Variants in TMEM132D observed in about 807,000 individuals in gnomAD.
TMEM132D encodes transmembrane protein 132D.
In TMEM132D, 21 loss-of-function variants were observed where a neutral mutation model predicts 62.3. The ratio of observed to expected loss-of-function variants is 0.34; its 90% confidence interval spans 0.24 to 0.49. The LOEUF is 0.49. Ranked by LOEUF, TMEM132D falls within the 20% of genes least tolerant of loss-of-function variation. The pLI is 0.99. For synonymous variants in TMEM132D, 621 were observed against 575.6 expected, an observed-to-expected ratio of 1.08 and a Z score of -1.13; for missense variants, 1,346 against 1,402.8, an observed-to-expected ratio of 0.96 and a Z score of 0.65.
intron 3 of TMEM132D, among the ~76,000 whole-genome samples, chr12:129,350,090 C>T (rs1009208468): frequency 5.9e-5 from 9 of 152,196 alleles, no homozygotes; most frequent in Non-Finnish European, 1.2e-4. Context: ...AAATCTGCAC[C>T]TCAGCCCTTT....
intron 5 of TMEM132D, among the ~76,000 whole-genome samples, chr12:129,127,885 C>T (rs1268740854): frequency 6.6e-6 from 1 of 152,216 alleles, no homozygotes; most frequent in African/African-American, 2.4e-5. Flanking sequence ...GCAGACGAGG[C>T]CGGCACTCAC....
At chr12:129,075,940 A>G (rs1233033848) in intron 8 of TMEM132D, among the ~76,000 whole-genome samples, 1 of 150,294 alleles carries the variant, frequency 6.7e-6, no homozygotes, top group South Asian at 2.1e-4. Context: ...CCTCCCTCTC[A>G]GAGAACCTGC....
chr12:129,513,392 A>T (rs1015092940), intron 3 of TMEM132D, among the ~76,000 whole-genome samples: 4 of 152,070 alleles, frequency 2.6e-5, no homozygotes, highest in African/African-American at 9.7e-5. Context: ...GCTAGACTCC[A>T]TCTCCCAACA....
intron 2 of TMEM132D, among the ~76,000 whole-genome samples, chr12:129,605,559 C>A (rs191444858): frequency 7.6e-6 from 1 of 131,838 alleles, no homozygotes; most frequent in East Asian, 2.1e-4. Context: ...CCACAAGCAG[C>A]CTTTAAATTA....
chr12:129,893,372 C>A (rs1186309867), intron 1 of TMEM132D, among the ~76,000 whole-genome samples: 1 of 152,236 alleles, frequency 6.6e-6, no homozygotes, highest in Non-Finnish European at 1.5e-5. Flanking sequence ...ATTATGATTT[C>A]TTTTGAGTAA....
rs143863197 is a variant in TMEM132D at position 129,467,572 on chromosome 12, T to G, written c.1115+63487A>C. Among the ~76,000 whole-genome samples, 43 of 152,174 alleles carry G rather than the reference T, an allele frequency of 2.8e-4. No homozygotes were observed. The East Asian group carries it at 8.3e-3, about 29-fold the overall frequency. Reference sequence around the variant, plus strand: ...TACTGTGGTGGAACCCAGAGGAGATTAAAAGGGAGGAGGCTCCTCTGCACC... The same window carrying G: ...TACTGTGGTGGAACCCAGAGGAGATGAAAAGGGAGGAGGCTCCTCTGCACC... On this transcript the variant is annotated intron_variant, in intron 3 of 8. Transcript: ENST00000422113.
rs370936781 is a variant in TMEM132D at position 129,112,624 on chromosome 12, T to C, written c.1444-27922A>G. 2.8e-3 allele frequency among the ~76,000 whole-genome samples: 426 copies of C among 152,308 alleles called. 1 individual carries two copies. Among genetic ancestry groups the C allele is most frequent in the African/African-American group, 9.6e-3 (401 of 41,566 alleles). On this transcript the variant is annotated intron_variant, in intron 5 of 8. Transcript: ENST00000422113. ...GTTGCGGTGAGCCAAGATCATGCCG[T>C]TGCACTCCAGCCTGGCCAACAAAAG...
chr12:129,365,334 T>C (rs1870370627), intron 3 of TMEM132D, among the ~76,000 whole-genome samples: 1 of 152,162 alleles, frequency 6.6e-6, no homozygotes, highest in African/African-American at 2.4e-5. Flanking sequence ...ATGCAGTTCA[T>C]TCTGTTTTCA....
intron 1 of TMEM132D, among the ~76,000 whole-genome samples, chr12:129,760,536 A>T (rs539555316): frequency 2.7e-5 from 4 of 149,584 alleles, no homozygotes; most frequent in Non-Finnish European, 4.5e-5. Flanking sequence ...TTTTTAGCAG[A>T]GATGGGGTAT....
chr12:129,706,709 AGG>A (rs1420818640), intron 1 of TMEM132D, among the ~76,000 whole-genome samples: 1 of 152,004 alleles, frequency 6.6e-6, no homozygotes, highest in East Asian at 1.9e-4. Context: ...TAAGGCTACA[AGG>A]AGACAATAAT....
chr12:129,073,980 G>T lies in TMEM132D; in HGVS notation c.3195C>A (p.Ile1065=), dbSNP rs776600445. The T allele has an allele frequency of 8.7e-6, 14 of 1,613,844 alleles. No individual in the cohort carries two copies. The highest frequency in any genetic ancestry group is 1.2e-5 in the Non-Finnish European group (14 of 1,179,854). ...TAATGTCATCCTCGCTACTCATCAC[G>T]ATGGAGTTCCTGGTGGGGTACTCGT... is the stretch of plus-strand genomic sequence containing the variant. ...SDDEYPTRNS[I]VMSSEDDIKW... The change falls in exon 9 of 9, where the codon ATC becomes ATA. Residue 1065 remains isoleucine, a synonymous_variant. Coordinates refer to ENST00000422113, the MANE Select transcript of TMEM132D (RefSeq NM_133448.3).
At chr12:129,785,844 GGTCA>G (rs1196952563) in intron 1 of TMEM132D, among the ~76,000 whole-genome samples, 3 of 152,140 alleles carry the variant, frequency 2.0e-5, no homozygotes, top group African/African-American at 4.8e-5. Context: ...TCTTTCTTGT[GGTCA>G]GTATTTAAGC....
chr12:129,536,248 C>A (rs1361820051), intron 2 of TMEM132D, among the ~76,000 whole-genome samples: 2 of 152,204 alleles, frequency 1.3e-5, no homozygotes, highest in African/African-American at 4.8e-5. Context: ...TGTGCACCCA[C>A]CAAAGGGTGC....
At position 129,769,303 on chromosome 12, in the gene TMEM132D, A is replaced by G. The variant is rs948067860; in HGVS notation, c.80-68605T>C. 7.2e-5 allele frequency among the ~76,000 whole-genome samples: 11 copies of G among 152,208 alleles called. No individual in the cohort carries two copies. The South Asian group carries it at 2.3e-3, about 32-fold the overall frequency. Reference sequence around the variant, plus strand: ...AGGCCTCACAATCATGGCAGAAGGCAAAAGTCATGTCTTACATGGCAGCAG... The same window carrying G: ...AGGCCTCACAATCATGGCAGAAGGCGAAAGTCATGTCTTACATGGCAGCAG... On this transcript the variant is annotated intron_variant, in intron 1 of 8. Coordinates refer to ENST00000422113, the MANE Select transcript of TMEM132D (RefSeq NM_133448.3).
chr12:129,205,317 A>G (rs574239652), intron 5 of TMEM132D, among the ~76,000 whole-genome samples: 2 of 152,146 alleles, frequency 1.3e-5, no homozygotes, highest in South Asian at 4.2e-4. Context: ...AGGGATGGAG[A>G]AAAATCTACC....
At chr12:129,423,983 G>A (rs1024109811) in intron 3 of TMEM132D, among the ~76,000 whole-genome samples, 2 of 152,150 alleles carry the variant, frequency 1.3e-5, no homozygotes, top group East Asian at 3.8e-4. Context: ...GACATTTTTA[G>A]AAAATGACAT....
intron 1 of TMEM132D, among the ~76,000 whole-genome samples, chr12:129,829,581 C>G (rs911540188): frequency 1.3e-5 from 2 of 152,152 alleles, no homozygotes; most frequent in African/African-American, 4.8e-5. Flanking sequence ...ACTCCTGGGA[C>G]AGTCTCCAGA....
intron 3 of TMEM132D, among the ~76,000 whole-genome samples, chr12:129,351,126 C>A (rs1242748364): frequency 1.3e-5 from 2 of 152,148 alleles, no homozygotes; most frequent in Non-Finnish European, 2.9e-5. Flanking sequence ...CCCTTCTCTT[C>A]GGGGATGGTT....
At chr12:129,242,428 T>A (rs1300250684) in intron 4 of TMEM132D, among the ~76,000 whole-genome samples, 2 of 152,184 alleles carry the variant, frequency 1.3e-5, no homozygotes, top group African/African-American at 4.8e-5. Flanking sequence ...AATTATATAT[T>A]TACACCAACT....
Sources: allele counts gnomAD v4.1 joint callset (sites outside exome capture counted in the v4.1 genomes callset), GRCh38; gene constraint gnomAD v4.1.1; transcripts MANE v1.5; gene names NCBI Gene and HGNC (gene_info 2026-07-23, HGNC 2026-07-21).